Variants in OXTR observed in about 807,000 individuals in gnomAD.
OXTR encodes oxytocin receptor.
In OXTR, 19 loss-of-function variants were observed where a neutral mutation model predicts 23.9. The ratio of observed to expected loss-of-function variants is 0.80; its 90% CI spans 0.56 to 1.17. The LOEUF is 1.17. OXTR is among the 50% of genes most tolerant of loss of function. The probability of loss-of-function intolerance (pLI) is 0.00; values close to 1 mark genes in which losing one functional copy is unlikely to be tolerated. For synonymous variants in OXTR, 278 were observed against 250.5 expected, an observed-to-expected ratio of 1.11 and a Z score of -1.04; for missense variants, 500 against 550.7, an observed-to-expected ratio of 0.91 and a Z score of 0.92.
chr3:8,747,793 G>T (rs370191231), downstream of OXTR, among the ~76,000 whole-genome samples: 2 of 152,150 alleles, frequency 1.3e-5, no homozygotes, highest in African/African-American at 4.8e-5. Context: ...TTGAAATCAC[G>T]AGGCCATCCA....
Position 8,767,959 on chromosome 3 carries a change from A to G in OXTR, c.229T>C (p.Phe77Leu), listed in dbSNP as rs745319976. Residue 77 changes from phenylalanine to leucine, a missense_variant, in exon 3 of 4, where the codon TTC becomes CTC. Phe to Leu is a conservative substitution (Grantham distance 22). Transcript: ENST00000316793. ...TRQKHSRLFF[F>L]MKHLSIADLV... Reference sequence around the variant, plus strand: ...TCGGCGATGCTTAGGTGCTTCATGAAGAAGAAGAGGCGCGAGTGCTTCTGG... The same window carrying G: ...TCGGCGATGCTTAGGTGCTTCATGAGGAAGAAGAGGCGCGAGTGCTTCTGG... 2 of 1,612,904 alleles carry G rather than the reference A, an allele frequency of 1.2e-6. No individual in the cohort carries two copies. Among genetic ancestry groups the G allele is most frequent in the Admixed American group, 3.3e-5 (2 of 59,944 alleles).
chr3:8,749,658 T>C (rs1383596468), downstream of OXTR, among the ~76,000 whole-genome samples: 1 of 152,234 alleles, frequency 6.6e-6, no homozygotes, highest in Non-Finnish European at 1.5e-5. Context: ...TCTTCGTGCA[T>C]GTCCCAGCAA....
chr3:8,743,089 C>T, the OXTR span, among the ~76,000 whole-genome samples: 17 of 151,922 alleles, frequency 1.1e-4, no homozygotes, highest in African/African-American at 3.4e-4. Flanking sequence ...TGTGAACTAA[C>T]GAGCAAGAAC....
At chr3:8,761,551 G>A (rs2125002083) in intron 3 of OXTR, among the ~76,000 whole-genome samples, 1 of 152,254 alleles carries the variant, frequency 6.6e-6, no homozygotes, top group African/African-American at 2.4e-5. Context: ...AGTGTAAGAT[G>A]GCTGGGTTCC....
At chr3:8,765,848 C>A (rs543547354) in intron 3 of OXTR, among the ~76,000 whole-genome samples, 3 of 152,176 alleles carry the variant, frequency 2.0e-5, no homozygotes, top group African/African-American at 7.2e-5. Flanking sequence ...CACAGGTGTT[C>A]GGTAAATATT....
At position 8,753,171 on chromosome 3, in the gene OXTR, G is replaced by C; in HGVS notation, c.976C>G (p.Pro326Ala). The C allele has an allele frequency of 6.2e-7, 1 of 1,614,174 alleles. No individual in the cohort carries two copies. The highest frequency in any genetic ancestry group is 8.5e-7 in the Non-Finnish European group (1 of 1,180,042). The change falls in exon 4 of 4, where the codon CCC (proline) becomes GCC (alanine). Residue 326 changes from proline (P) to alanine (A), a missense_variant. Transcript: ENST00000316793. Reference sequence around the variant, plus strand: ...CCCGTGAACAGCATGTAGATCCAGGGGTTGCAGCAGCTGTTGAGGCTGGCC... The same window carrying C: ...CCCGTGAACAGCATGTAGATCCAGGCGTTGCAGCAGCTGTTGAGGCTGGCC... ...LLASLNSCCN[P>A]WIYMLFTGHL...
At chr3:8,753,362 T>C in intron 3 of OXTR, 138 bp from the exon 4 acceptor site, 6 of 1,067,946 alleles carry the variant, frequency 5.6e-6, no homozygotes, top group South Asian at 3.2e-5. Flanking sequence ...CAAGATGAGG[T>C]ACTAAAGAGG....
rs571170791 is a variant in OXTR at position 8,751,480 on chromosome 3, T to C, written c.*1497A>G. On this transcript the variant is annotated 3_prime_UTR_variant, in exon 4 of 4. Coordinates refer to ENST00000316793, the MANE Select transcript of OXTR (RefSeq NM_000916.4). The stretch of plus-strand genomic sequence containing the variant: ...CCTAATTCAAGGTTACAAAGATCTA[T>C]GCCTATGTTTCTTTCTAAGATTTTA... The C allele has an allele frequency of 2.6e-5, 4 of 152,358 alleles. No homozygotes were observed. Among genetic ancestry groups the C allele is most frequent in the African/African-American group, 9.6e-5 (4 of 41,584 alleles). The allele number at this position is 152,358 out of a possible 1,614,324, so 9.4% of individuals were successfully genotyped here.
At chr3:8,764,120 T>C (rs530271944) in intron 3 of OXTR, among the ~76,000 whole-genome samples, 1 of 152,296 alleles carries the variant, frequency 6.6e-6, no homozygotes, top group African/African-American at 2.4e-5. Flanking sequence ...GAGCAAATGC[T>C]GAAGCAGAGA....
intron 3 of OXTR, among the ~76,000 whole-genome samples, chr3:8,759,596 C>T (rs1708445728): frequency 6.6e-6 from 1 of 152,224 alleles, no homozygotes; most frequent in Non-Finnish European, 1.5e-5. Flanking sequence ...GATATGGCCT[C>T]CCAGTAAGGT....
chr3:8,766,740 T>C (rs1252250288), intron 3 of OXTR, among the ~76,000 whole-genome samples: 1 of 89,652 alleles, frequency 1.1e-5, no homozygotes, highest in East Asian at 2.2e-4. Context: ...GTTGGACAAA[T>C]TGCCACTCCT....
At position 8,752,303 on chromosome 3, in the gene OXTR, C is replaced by T. The variant is rs183265076; in HGVS notation, c.*674G>A. 2.5e-3 allele frequency: 376 copies of T among 152,124 alleles called. No individual in the cohort carries two copies. The highest frequency in any genetic ancestry group is 3.6e-3 in the Non-Finnish European group (242 of 68,030). 9.4% of individuals were successfully genotyped at this position (152,124 alleles called of 1,614,324 possible). Reference sequence around the variant, plus strand: ...TTTTCTATATACAAAACTGTGTCATCTGCAAATAGTTTTACTTCTTCTTTT... The same window carrying T: ...TTTTCTATATACAAAACTGTGTCATTTGCAAATAGTTTTACTTCTTCTTTT... On this transcript the variant is annotated 3_prime_UTR_variant, in exon 4 of 4. Coordinates refer to ENST00000316793, the MANE Select transcript of OXTR (RefSeq NM_000916.4).
Position 8,767,262 on chromosome 3 carries a change from C to A in OXTR, c.922+4G>T. 6.5e-7 allele frequency: 1 copy of A among 1,533,436 alleles called. No homozygotes were observed. The highest frequency in any genetic ancestry group is 1.4e-5 in the African/African-American group (1 of 71,466). 95.0% of individuals were successfully genotyped at this position (1,533,436 alleles called of 1,614,324 possible). A position where few individuals can be genotyped will look rare whatever the true frequency, so the allele number is the denominator to read the frequency against. ...CTCCTCCTGGGTCTCCCAGCCCTGG[C>A]TACCTTCCTTGGGCGCGTTGGCATC... On this transcript the variant is annotated splice_donor_region_variant and intron_variant, in intron 3 of 3. Coordinates refer to ENST00000316793, the MANE Select transcript of OXTR (RefSeq NM_000916.4).
At chr3:8,758,693 G>C (rs984424972) in intron 3 of OXTR, among the ~76,000 whole-genome samples, 1 of 152,174 alleles carries the variant, frequency 6.6e-6, no homozygotes, top group Non-Finnish European at 1.5e-5. Flanking sequence ...GTAGTGCAAG[G>C]TCTGGGTGAA....
the OXTR span, among the ~76,000 whole-genome samples, chr3:8,742,904 T>C: frequency 3.3e-5 from 5 of 152,090 alleles, no homozygotes; most frequent in Non-Finnish European, 7.3e-5. Flanking sequence ...AGAAAAGAGA[T>C]TTATTTTGGT....
At position 8,763,607 on chromosome 3, in the gene OXTR, C is replaced by T. The variant is rs952735231; in HGVS notation, c.922+3659G>A. Among the ~76,000 whole-genome samples, 8 of 152,134 alleles carry T rather than the reference C, an allele frequency of 5.3e-5. No homozygotes were observed. The South Asian group carries it at 6.2e-4, about 12-fold the overall frequency. On this transcript the variant is annotated intron_variant, in intron 3 of 3. Transcript: ENST00000316793. ...TGGGTTCAAGGGAAAAGGCTGGTGC[C>T]GAATCTTTGGCTTTGGAATTTAATT...
chr3:8,756,780 G>A (rs889184186), intron 3 of OXTR, among the ~76,000 whole-genome samples: 1 of 152,236 alleles, frequency 6.6e-6, no homozygotes, highest in Non-Finnish European at 1.5e-5. Context: ...GTGCAAATGT[G>A]CAAAGGCCAG....
chr3:8,768,274 G>A lies in OXTR; in HGVS notation c.-87C>T, dbSNP rs1708684843. ...CGGATCCGGCGTGTCGGAGGGTGTA[G>A]GGGCGCCCGGGGCTCCACTCCTGGA... is the stretch of plus-strand genomic sequence containing the variant. On this transcript the variant is annotated 5_prime_UTR_variant, in exon 3 of 4. Transcript: ENST00000316793. This position sits in a 1 kb window ranked among gnomAD's most constrained non-coding sequence, Gnocchi z 5.4. 15 of 1,234,298 alleles carry A rather than the reference G, an allele frequency of 1.2e-5. No individual in the cohort carries two copies. Among genetic ancestry groups the A allele is most frequent in the Non-Finnish European group, 1.4e-5 (14 of 992,016 alleles). 76.5% of individuals were successfully genotyped at this position (1,234,298 alleles called of 1,614,324 possible). A position where few individuals can be genotyped will look rare whatever the true frequency, so the allele number is the denominator to read the frequency against.
intron 3 of OXTR, among the ~76,000 whole-genome samples, chr3:8,765,788 C>T (rs1409068912): frequency 2.0e-5 from 3 of 152,304 alleles, no homozygotes; most frequent in Admixed American, 2.0e-4. Flanking sequence ...GTGCAAGTGC[C>T]TTCCCCTCTC....
Sources: allele counts gnomAD v4.1 joint callset (sites outside exome capture counted in the v4.1 genomes callset), GRCh38; gene constraint gnomAD v4.1.1; non-coding constraint Gnocchi (gnomAD v3.1); transcripts MANE v1.5; gene names NCBI Gene and HGNC (gene_info 2026-07-23, HGNC 2026-07-21).